CHUK: variants seen among roughly 807,000 people sequenced by gnomAD.
CHUK encodes component of inhibitor of nuclear factor kappa B kinase complex, also known as inhibitor of nuclear factor kappa-B kinase subunit alpha.
A neutral mutation model predicts 104.8 loss-of-function variants in CHUK; 35 were observed. The observed-to-expected ratio is 0.33, with a 90% CI of 0.26 to 0.44. The LOEUF is 0.44. Among genes scored for constraint, CHUK ranks in the 20% least tolerant of loss-of-function variants. The pLI, the probability that CHUK is intolerant of heterozygous loss-of-function variation, is 1.00. For missense variants in CHUK, 663 were observed against 902.7 expected, an observed-to-expected ratio of 0.73 and a Z score of 3.40; for synonymous variants, 276 against 291.9, an observed-to-expected ratio of 0.95 and a Z score of 0.56.
intron 17 of CHUK, 90 bp from the exon 18 acceptor site, chr10:100,194,221 A>G: frequency 1.4e-6 from 2 of 1,400,854 alleles, no homozygotes; most frequent in Non-Finnish European, 2.0e-6. Flanking sequence ...ATGAACCACA[A>G]TCAGCATCAG....
At chr10:100,200,561 G>T (rs1296072461) in intron 15 of CHUK, 110 bp downstream of exon 15, 1 of 706,700 alleles carries the variant, frequency 1.4e-6, no homozygotes, top group African/African-American at 1.8e-5. Context: ...TATATTTGGG[G>T]AAAGGAAAAC....
intron 12 of CHUK, 129 bp downstream of exon 12, chr10:100,204,947 A>C: frequency 9.3e-7 from 1 of 1,075,230 alleles, no homozygotes; most frequent in Non-Finnish European, 1.4e-6. Flanking sequence ...GTTTATCAGA[A>C]CATTACACTT....
intron 17 of CHUK, 67 bp from the exon 18 acceptor site, chr10:100,194,198 C>G (rs1589576135): frequency 6.4e-7 from 1 of 1,555,936 alleles, no homozygotes. Flanking sequence ...ATTCCCAAAA[C>G]CCAGCTGAGG....
intron 13 of CHUK, among the ~76,000 whole-genome samples, chr10:100,202,681 A>G (rs1845497893): frequency 6.6e-6 from 1 of 152,218 alleles, no homozygotes; most frequent in Admixed American, 6.5e-5. Context: ...TGGAACCCTT[A>G]GGAAATGAAT....
chr10:100,216,265 C>G (rs1466218069), intron 9 of CHUK, among the ~76,000 whole-genome samples: 1 of 152,280 alleles, frequency 6.6e-6, no homozygotes, highest in Admixed American at 6.5e-5. Context: ...AGAGGCAACA[C>G]AGAACTAAAG....
chr10:100,209,835 A>G (rs932708809), intron 9 of CHUK, 46 bp from the exon 10 acceptor site: 2 of 890,600 alleles, frequency 2.2e-6, no homozygotes, highest in South Asian at 2.9e-5. Flanking sequence ...TATTTGTTAC[A>G]TAAAAGATTC....
chr10:100,218,308 A>G (rs1845906347), intron 8 of CHUK, among the ~76,000 whole-genome samples, 178 bp from the exon 9 acceptor site: 1 of 152,190 alleles, frequency 6.6e-6, no homozygotes, highest in Non-Finnish European at 1.5e-5. Flanking sequence ...TTTCCATCAA[A>G]AACTACTCAA....
At chr10:100,190,481 T>C (rs1485740633) in intron 20 of CHUK, 3 of 245,258 alleles carry the variant, frequency 1.2e-5, no homozygotes, top group Non-Finnish European at 2.4e-5. Context: ...TTATTACAAC[T>C]ATATTAACAT....
Position 100,193,373 on chromosome 10 carries a change from T to G in CHUK, c.2033A>C (p.Gln678Pro), listed in dbSNP as rs1452289534. ...GSSLEGAVTP[Q>P]TSAWLPPTSA... Reference sequence around the variant, plus strand: ...AGTCGGGGGCAGCCATGCTGATGTCTGAGGGGTTACTGCACCTTCTAGACT... The same window carrying G: ...AGTCGGGGGCAGCCATGCTGATGTCGGAGGGGTTACTGCACCTTCTAGACT... The change falls in exon 19 of 21, where the codon CAG (glutamine) becomes CCG (proline). Residue 678 changes from glutamine to proline, a missense_variant. Around this residue, in one of 5 missense-constraint regions of CHUK, gnomAD observed 311 missense variants for 393.4 expected, o/e 0.79. Transcript: ENST00000370397. The G allele has an allele frequency of 6.2e-6, 10 of 1,614,022 alleles. No individual in the cohort carries two copies. Among genetic ancestry groups the G allele is most frequent in the Non-Finnish European group, 8.5e-6 (10 of 1,179,994 alleles).
downstream of CHUK, chr10:100,188,242 T>C (rs1845116313): frequency 6.6e-6 from 1 of 152,550 alleles, no homozygotes; most frequent in Non-Finnish European, 1.5e-5. Flanking sequence ...AGTCCTATTA[T>C]TCCTAAGGAA....
chr10:100,229,053 C>T (rs1036342668), intron 1 of CHUK, among the ~76,000 whole-genome samples: 5 of 148,566 alleles, frequency 3.4e-5, no homozygotes, highest in Non-Finnish European at 4.5e-5. Flanking sequence ...AAAGGCAGTC[C>T]CCTTCAGCCC....
At chr10:100,216,648 G>A (rs1268094976) in intron 9 of CHUK, among the ~76,000 whole-genome samples, 2 of 152,158 alleles carry the variant, frequency 1.3e-5, no homozygotes, top group Non-Finnish European at 1.5e-5. Flanking sequence ...AGACTAAAGT[G>A]AGCTATCTCG....
chr10:100,229,189 G>C (rs1846177694), intron 1 of CHUK, among the ~76,000 whole-genome samples: 1 of 151,990 alleles, frequency 6.6e-6, no homozygotes, highest in African/African-American at 2.4e-5. Flanking sequence ...GTCACAGCCT[G>C]ACAGTCATAC....
At chr10:100,193,215 G>A (rs1026149622) in intron 19 of CHUK, 83 bp downstream of exon 19, 3 of 1,485,090 alleles carry the variant, frequency 2.0e-6, no homozygotes, top group African/African-American at 1.4e-5. Context: ...TGAAGGCACA[G>A]AAGACTACCT....
intron 1 of CHUK, 25 bp downstream of exon 1, chr10:100,229,403 C>T (rs1161784949): frequency 1.9e-6 from 3 of 1,554,234 alleles, no homozygotes; most frequent in Non-Finnish European, 2.6e-6. Flanking sequence ...AACCCACCGC[C>T]GCTCCCTCTC....
chr10:100,212,328 C>T (rs1845748453), intron 9 of CHUK, among the ~76,000 whole-genome samples: 1 of 152,188 alleles, frequency 6.6e-6, no homozygotes, highest in Non-Finnish European at 1.5e-5. Context: ...GGATAATAGC[C>T]ATCCCAACAG....
At chr10:100,223,299 T>C (rs138822963) in intron 2 of CHUK, among the ~76,000 whole-genome samples, 17 of 152,290 alleles carry the variant, frequency 1.1e-4, no homozygotes, top group African/African-American at 2.4e-4. Flanking sequence ...CAGGAGAAAA[T>C]TGAAGCACAA....
chr10:100,202,470 G>A (rs1845492834), intron 13 of CHUK, among the ~76,000 whole-genome samples: 2 of 152,332 alleles, frequency 1.3e-5, no homozygotes, highest in South Asian at 2.1e-4. Flanking sequence ...ACAGATTGAG[G>A]TGCTGCAGCT....
intron 19 of CHUK, chr10:100,193,029 C>G: frequency 2.2e-6 from 1 of 457,702 alleles, no homozygotes; most frequent in African/African-American, 2.0e-5. Flanking sequence ...GCTAATAATA[C>G]GCAACATTTG....
Sources: gnomAD v4.1 joint callset for allele counts (sites outside exome capture counted in the v4.1 genomes callset) on GRCh38, gnomAD v4.1.1 for gene constraint, gnomAD v4.1.1 regional missense constraint, MANE v1.5 for transcripts, NCBI Gene and HGNC (gene_info 2026-07-23, HGNC 2026-07-21) for gene names.